CIBAR2: variants seen among roughly 807,000 people sequenced by gnomAD.
CIBAR2 encodes CBY1 interacting BAR domain containing 2.
Under a neutral mutation model 36.2 loss-of-function variants are expected in CIBAR2, and 38 were observed. That is an observed-to-expected ratio of 1.05 (90% CI 0.81 to 1.38). CIBAR2 has a LOEUF of 1.38. Among genes scored for constraint, CIBAR2 ranks in the 40% most tolerant of loss-of-function variants. The probability of loss-of-function intolerance (pLI) is 0.00; values close to 1 mark genes in which losing one functional copy is unlikely to be tolerated. For synonymous variants in CIBAR2, 182 were observed against 149.5 expected (o/e 1.22, Z -1.58); for missense variants, 481 against 383.4 (o/e 1.25, Z -2.13).
chr16:85,099,913 G>A (rs1007883295), intron 8 of CIBAR2, among the ~76,000 whole-genome samples: 6 of 150,094 alleles, frequency 4.0e-5, no homozygotes, highest in Admixed American at 6.7e-5. Context: ...AAAGTGCTGG[G>A]ATTATAGGCA....
At chr16:85,111,444 T>G (rs757046701) in intron 1 of CIBAR2, among the ~76,000 whole-genome samples, 2 of 152,146 alleles carry the variant, frequency 1.3e-5, no homozygotes, top group South Asian at 2.1e-4. Context: ...TCACAGCCCC[T>G]GATTCAGCAG....
chr16:85,100,112 T>G (rs745367591), intron 8 of CIBAR2, 27 bp downstream of exon 8: 4 of 1,575,314 alleles, frequency 2.5e-6, no homozygotes, highest in South Asian at 1.1e-5. Flanking sequence ...ATTTTAGGTG[T>G]AACCCCTCAC....
At position 85,106,048 on chromosome 16, in the gene CIBAR2, G is replaced by A. The variant is rs2073993553; in HGVS notation, c.433-617C>T. The stretch of plus-strand genomic sequence containing the variant: ...CCACCTTCGTGTTTGTGAAACGCCT[G>A]AGATGGGAAGAGACAGCTGGGGGCT... On this transcript the variant is annotated intron_variant, in intron 5 of 8. Coordinates refer to ENST00000539556, the MANE Select transcript of CIBAR2 (RefSeq NM_198491.3). Among the ~76,000 whole-genome samples the A allele has an allele frequency of 2.0e-5, 3 of 152,336 alleles. No individual in the cohort carries two copies. The South Asian group carries it at 6.2e-4, about 32-fold the overall frequency.
At chr16:85,110,491 T>C in intron 1 of CIBAR2, 31 bp from the exon 2 acceptor site, 1 of 1,513,194 alleles carries the variant, frequency 6.6e-7, no homozygotes, top group Non-Finnish European at 9.0e-7. Flanking sequence ...GCAGCCATTC[T>C]GGGCAGAGAT....
At position 85,102,307 on chromosome 16, in the gene CIBAR2, T is replaced by TATA; in HGVS notation, c.557_558insTAT (p.Val186_Thr187insIle). 1 of 1,612,378 alleles carries TATA rather than the reference T, an allele frequency of 6.2e-7. No homozygotes were observed. The highest frequency in any genetic ancestry group is 8.5e-7 in the Non-Finnish European group (1 of 1,178,572). On this transcript the variant is annotated inframe_insertion, in exon 7 of 9. Coordinates refer to ENST00000539556, the MANE Select transcript of CIBAR2 (RefSeq NM_198491.3). Reference sequence around the variant, plus strand: ...TGGCATGGAAAACCATCTCAATAGTTACAAAGTCACAAAAAAATTTCTGTG... The same window carrying TATA: ...TGGCATGGAAAACCATCTCAATAGTTATAACAAAGTCACAAAAAAATTTCTGTG...
chr16:85,101,930 AGTGCTGGGATTACGGGC>A (rs1406678760), intron 7 of CIBAR2, among the ~76,000 whole-genome samples: 1 of 151,986 alleles, frequency 6.6e-6, no homozygotes, highest in Non-Finnish European at 1.5e-5. Flanking sequence ...GGCCTCCCAA[AGTGCTGGGATTACGGGC>A]GTGAACCACC....
chr16:85,105,084 A>T (rs1256844757), intron 6 of CIBAR2, among the ~76,000 whole-genome samples: 1 of 152,246 alleles, frequency 6.6e-6, no homozygotes, highest in African/African-American at 2.4e-5. Flanking sequence ...AGGGCCACCC[A>T]GTGGCTTCCG....
At chr16:85,103,746 T>G (rs2073973152) in intron 6 of CIBAR2, among the ~76,000 whole-genome samples, 1 of 152,246 alleles carries the variant, frequency 6.6e-6, no homozygotes, top group Non-Finnish European at 1.5e-5. Context: ...TCCACAAGCA[T>G]TTACTGAATA....
Position 85,100,049 on chromosome 16 carries a change from C to A in CIBAR2, c.753+90G>T, listed in dbSNP as rs533400395. The A allele has an allele frequency of 1.3e-5, 13 of 999,552 alleles. No homozygotes were observed. In the Admixed American group the frequency reaches 3.3e-4, roughly 26 times the overall value. 61.9% of individuals were successfully genotyped at this position (999,552 alleles called of 1,614,324 possible). ...CATTTCAAATTCGAGTTCTCAGCCACCCTCCTCTAATCCCTGGGGTTACTA... is the reference window on the plus strand; with the variant it reads ...CATTTCAAATTCGAGTTCTCAGCCAACCTCCTCTAATCCCTGGGGTTACTA... On this transcript the variant is annotated intron_variant, in intron 8 of 8. Coordinates refer to ENST00000539556, the MANE Select transcript of CIBAR2 (RefSeq NM_198491.3).
At chr16:85,111,992 T>C (rs2074046324) in intron 1 of CIBAR2, among the ~76,000 whole-genome samples, 1 of 152,142 alleles carries the variant, frequency 6.6e-6, no homozygotes, top group Non-Finnish European at 1.5e-5. Flanking sequence ...CAGTGTGGAC[T>C]GGGTCCCCAC....
intron 8 of CIBAR2, among the ~76,000 whole-genome samples, 182 bp from the exon 9 acceptor site, chr16:85,099,528 C>A (rs560389762): frequency 5.9e-5 from 9 of 152,232 alleles, no homozygotes; most frequent in African/African-American, 2.2e-4. Flanking sequence ...GTGGCAATAC[C>A]TCAGAGTGCC....
intron 2 of CIBAR2, among the ~76,000 whole-genome samples, chr16:85,108,560 G>A (rs16975247): frequency 0.015 from 2,218 of 152,278 alleles, 50 homozygotes; most frequent in African/African-American, 0.051. Flanking sequence ...GCCTTGCTTT[G>A]GGGACAAGAC....
chr16:85,102,660 G>GTAAA (rs901480740), intron 6 of CIBAR2, among the ~76,000 whole-genome samples: 1 of 152,176 alleles, frequency 6.6e-6, no homozygotes, highest in Non-Finnish European at 1.5e-5. Context: ...AAGTACATAA[G>GTAAA]TAAATAAATA....
intron 2 of CIBAR2, among the ~76,000 whole-genome samples, chr16:85,108,558 T>C (rs1454918674): frequency 6.6e-6 from 1 of 152,116 alleles, no homozygotes; most frequent in Non-Finnish European, 1.5e-5. Context: ...GAGCCTTGCT[T>C]TGGGGACAAG....
chr16:85,111,515 A>G (rs890747998), intron 1 of CIBAR2, among the ~76,000 whole-genome samples: 2 of 152,296 alleles, frequency 1.3e-5, no homozygotes, highest in Admixed American at 1.3e-4. Flanking sequence ...CATGTGCACC[A>G]GAATCCCTGG....
chr16:85,106,237 C>T (rs571749853), intron 5 of CIBAR2, among the ~76,000 whole-genome samples: 2 of 152,032 alleles, frequency 1.3e-5, no homozygotes, highest in African/African-American at 4.8e-5. Context: ...ACGCTCAGCA[C>T]TAGTGTCCGG....
chr16:85,099,339 A>T lies in CIBAR2; in HGVS notation c.761T>A (p.Leu254Gln). ...ATTTGCCCTACTCAGCTGGACCTGCAGAGTTCCCTGCAGAAATATAAATGC... is the reference window on the plus strand; with the variant it reads ...ATTTGCCCTACTCAGCTGGACCTGCTGAGTTCCCTGCAGAAATATAAATGC... The part of the protein sequence containing the change: ...VLQSLASQGT[L>Q]QVQLSRANED... The change falls in exon 9 of 9, where the codon CTG becomes CAG. Residue 254 changes from leucine (L) to glutamine (Q), a missense_variant. Leu to Gln is a moderately radical substitution (Grantham distance 113). Coordinates refer to ENST00000539556, the MANE Select transcript of CIBAR2 (RefSeq NM_198491.3). 6.5e-7 allele frequency: 1 copy of T among 1,541,676 alleles called. No individual in the cohort carries two copies. The highest frequency in any genetic ancestry group is 1.4e-5 in the African/African-American group (1 of 73,610).
At chr16:85,106,691 C>T (rs2073998213) in intron 5 of CIBAR2, among the ~76,000 whole-genome samples, 1 of 152,178 alleles carries the variant, frequency 6.6e-6, no homozygotes, top group Admixed American at 6.5e-5. Context: ...TTGATTTGGC[C>T]CAGTGGGCCC....
At chr16:85,109,871 A>G (rs1426948789) in intron 2 of CIBAR2, among the ~76,000 whole-genome samples, 1 of 152,202 alleles carries the variant, frequency 6.6e-6, no homozygotes, top group East Asian at 1.9e-4. Flanking sequence ...TATTTCCTGA[A>G]CACCCTGCAG....
Sources: gnomAD v4.1 joint callset for allele counts (sites outside exome capture counted in the v4.1 genomes callset) on GRCh38, gnomAD v4.1.1 for gene constraint, MANE v1.5 for transcripts, NCBI Gene and HGNC (gene_info 2026-07-23, HGNC 2026-07-21) for gene names.